NOL4: variants seen among roughly 807,000 people sequenced by gnomAD.
The protein encoded by NOL4 is cancer/testis antigen 125.
Under a neutral mutation model 75.9 loss-of-function variants are expected in NOL4, and 17 were observed. That is an observed-to-expected ratio of 0.22 (90% CI 0.15 to 0.34). NOL4 has a LOEUF of 0.34. NOL4 is among the 10% of genes least tolerant of loss of function. The pLI, the probability that NOL4 is intolerant of heterozygous loss-of-function variation, is 1.00. For synonymous variants in NOL4, 292 were observed against 289.9 expected, an observed-to-expected ratio of 1.01 and a Z score of -0.07; for missense variants, 614 against 793.5, an observed-to-expected ratio of 0.77 and a Z score of 2.72.
chr18:34,053,122 C>T (rs1376455310), intron 5 of NOL4, among the ~76,000 whole-genome samples: 1 of 151,884 alleles, frequency 6.6e-6, no homozygotes, highest in East Asian at 1.9e-4. Context: ...ACTTTTGGAA[C>T]TCTTAAAATA....
chr18:34,190,046 ATTAC>A (rs1305364783), intron 1 of NOL4, among the ~76,000 whole-genome samples: 2 of 148,648 alleles, frequency 1.3e-5, no homozygotes, highest in Admixed American at 6.8e-5. Context: ...TTTTATATAT[ATTAC>A]TTATTTTATA....
At chr18:34,159,896 G>C (rs1363322484) in intron 1 of NOL4, among the ~76,000 whole-genome samples, 2 of 152,100 alleles carry the variant, frequency 1.3e-5, no homozygotes, top group Non-Finnish European at 2.9e-5. Context: ...CAGCGGGAGA[G>C]GGATGCGGGG....
chr18:34,160,604 A>C (rs962784111), intron 1 of NOL4, among the ~76,000 whole-genome samples: 2 of 152,180 alleles, frequency 1.3e-5, no homozygotes, highest in African/African-American at 4.8e-5. Context: ...TATTTTGTTG[A>C]AGAAAGTTTT....
chr18:34,178,911 T>C (rs2033791039), intron 1 of NOL4, among the ~76,000 whole-genome samples: 1 of 151,678 alleles, frequency 6.6e-6, no homozygotes, highest in Non-Finnish European at 1.5e-5. Context: ...ATTGTACATG[T>C]AGCATTCTCT....
In NOL4 at chr18:34,202,676, C is replaced by G. The variant is rs1229219327; in HGVS notation, c.264+20314G>C. Among the ~76,000 whole-genome samples, 4 of 151,864 alleles carry G rather than the reference C, an allele frequency of 2.6e-5. No individual in the cohort carries two copies. The East Asian group carries it at 5.8e-4, about 22-fold the overall frequency. ...AAATTGAGAAAATATTAAAATGATA[C>G]CTCTATGGTCATATTTGTGTTAGTG... is the stretch of plus-strand genomic sequence containing the variant. On this transcript the variant is annotated intron_variant, in intron 1 of 10. Coordinates refer to ENST00000261592, the MANE Select transcript of NOL4 (RefSeq NM_003787.5).
At chr18:34,095,221 T>C (rs2145570906) in intron 4 of NOL4, among the ~76,000 whole-genome samples, 1 of 151,074 alleles carries the variant, frequency 6.6e-6, no homozygotes, top group East Asian at 2.0e-4. Context: ...CAATACATTA[T>C]GTTTACTCCA....
chr18:33,958,401 G>A lies in NOL4; in HGVS notation c.1074C>T (p.Tyr358=), dbSNP rs769412815. Residue 358 remains tyrosine (Y), a synonymous_variant, in exon 7 of 11, where the codon TAC becomes TAT. Coordinates refer to ENST00000261592, the MANE Select transcript of NOL4 (RefSeq NM_003787.5). ...CATTTTTGCCAGAGTCATAGCTGGAGTAACTATGTGCAGGAGACTGAAAAG... is the reference window on the plus strand; with the variant it reads ...CATTTTTGCCAGAGTCATAGCTGGAATAACTATGTGCAGGAGACTGAAAAG... The part of the protein sequence containing the change: ...ENGSKSPAHS[Y]SSYDSGKNES... The A allele has an allele frequency of 1.9e-6, 3 of 1,613,082 alleles. No individual in the cohort carries two copies. The East Asian group carries it at 6.7e-5, about 36-fold the overall frequency.
chr18:34,159,395 G>C (rs372359113), intron 1 of NOL4, among the ~76,000 whole-genome samples: 1 of 152,090 alleles, frequency 6.6e-6, no homozygotes, highest in African/African-American at 2.4e-5. Context: ...TGAGATCTGC[G>C]TCCGCTTCAC....
chr18:34,055,435 T>C (rs1030026174), intron 5 of NOL4, among the ~76,000 whole-genome samples: 31 of 152,152 alleles, frequency 2.0e-4, no homozygotes, highest in African/African-American at 6.5e-4. Context: ...ATTATCACAC[T>C]TCCTTTGGCC....
chr18:34,108,496 T>C (rs1243736586), intron 2 of NOL4, among the ~76,000 whole-genome samples: 2 of 152,010 alleles, frequency 1.3e-5, no homozygotes, highest in Non-Finnish European at 2.9e-5. Context: ...AGTGAAAGGA[T>C]AGAAAAATAT....
chr18:34,210,598 G>A (rs2036447802), intron 1 of NOL4, among the ~76,000 whole-genome samples: 5 of 152,192 alleles, frequency 3.3e-5, no homozygotes, highest in Admixed American at 2.0e-4. Context: ...CAGTCATTAT[G>A]TTATACAGAA....
chr18:34,090,722 C>T (rs750875776), intron 5 of NOL4, among the ~76,000 whole-genome samples: 1 of 151,848 alleles, frequency 6.6e-6, no homozygotes, highest in Non-Finnish European at 1.5e-5. Flanking sequence ...AAGGGTTGAC[C>T]AATGAATTAA....
In NOL4 at chr18:33,943,143, A is replaced by T. The variant is rs764010785; in HGVS notation, c.1464T>A (p.Val488=). The T allele has an allele frequency of 2.5e-6, 4 of 1,611,616 alleles. No individual in the cohort carries two copies. The African/African-American group carries it at 5.3e-5, about 22-fold the overall frequency. The change falls in exon 9 of 11, where the codon GTT becomes GTA. Residue 488 remains valine, a synonymous_variant. Coordinates refer to ENST00000261592, the MANE Select transcript of NOL4 (RefSeq NM_003787.5). ...AAGCTGAAGCCAAGATACTCTCTGCAACTGCTGAAGTAAGGTGGGAAGGAA... is the reference window on the plus strand; with the variant it reads ...AAGCTGAAGCCAAGATACTCTCTGCTACTGCTGAAGTAAGGTGGGAAGGAA... ...RPIPSHLTSA[V]AESILASACE... is the part of the protein sequence containing the mutation.
intron 1 of NOL4, among the ~76,000 whole-genome samples, chr18:34,140,515 T>C (rs1056186674): frequency 6.6e-6 from 1 of 152,168 alleles, no homozygotes; most frequent in African/African-American, 2.4e-5. Flanking sequence ...TGCCTTTTTT[T>C]GTTTTCCATT....
intron 2 of NOL4, among the ~76,000 whole-genome samples, chr18:34,105,515 C>G (rs1481932320): frequency 6.6e-6 from 1 of 151,952 alleles, no homozygotes; most frequent in Non-Finnish European, 1.5e-5. Flanking sequence ...ACTGCTAGCA[C>G]AATCAAATTT....
chr18:33,880,533 C>T (rs552736316), intron 10 of NOL4, among the ~76,000 whole-genome samples: 5 of 152,146 alleles, frequency 3.3e-5, no homozygotes, highest in Admixed American at 3.3e-4. Context: ...AATTTACCAA[C>T]CAAGAGTCAG....
intron 2 of NOL4, among the ~76,000 whole-genome samples, chr18:34,109,035 A>G (rs1241258871): frequency 2.6e-5 from 4 of 152,184 alleles, no homozygotes; most frequent in Non-Finnish European, 2.9e-5. Context: ...TCAATAATAG[A>G]AGAAAAATTG....
chr18:33,920,772 T>C (rs2066991442), intron 9 of NOL4, among the ~76,000 whole-genome samples: 1 of 152,202 alleles, frequency 6.6e-6, no homozygotes, highest in African/African-American at 2.4e-5. Flanking sequence ...ACAAAGTTTT[T>C]GAAAATTTTA....
chr18:34,156,025 A>C (rs1269815996), intron 1 of NOL4, among the ~76,000 whole-genome samples: 1 of 152,190 alleles, frequency 6.6e-6, no homozygotes, highest in Non-Finnish European at 1.5e-5. Flanking sequence ...ATGAGCAACT[A>C]TTTTGGATGC....
Sources: gnomAD v4.1 joint callset for allele counts (sites outside exome capture counted in the v4.1 genomes callset) on GRCh38, gnomAD v4.1.1 for gene constraint, MANE v1.5 for transcripts, NCBI Gene and HGNC (gene_info 2026-07-23, HGNC 2026-07-21) for gene names.